Variants in DENND3 observed in about 807,000 individuals in gnomAD.
DENND3 encodes DENN domain-containing protein 3.
A neutral mutation model predicts 135.1 loss-of-function variants in DENND3; 88 were observed. That is an observed-to-expected ratio of 0.65 (90% CI 0.55 to 0.78). The LOEUF is 0.78. Ranked by LOEUF, DENND3 falls within the 30% of genes least tolerant of loss-of-function variation. The pLI is 0.00. For missense variants in DENND3, 1,392 were observed against 1,688.4 expected (o/e 0.82, Z 3.08); for synonymous variants, 693 against 712.3 (o/e 0.97, Z 0.43).
In DENND3 at chr8:141,168,490, G is replaced by C. The variant is rs1465555998; in HGVS notation, c.2240G>C (p.Ser747Thr). The change falls in exon 13 of 23, where the codon AGC (serine) becomes ACC (threonine). Residue 747 changes from serine to threonine, a missense_variant. Transcript: ENST00000519811. The surrounding 1 kb of genome is among the most constrained non-coding windows in gnomAD (Gnocchi z 6.2). ...VQESGIVKDA[S>T]IIHRLFEALT... ...GAGTCAGGGATCGTGAAGGACGCCA[G>C]CATCATACACCGGCTGTTCGAGGCC... The C allele has an allele frequency of 1.2e-6, 2 of 1,613,008 alleles. No homozygotes were observed.
In DENND3 at chr8:141,141,164, G is replaced by A; in HGVS notation, c.502-39G>A. The stretch of plus-strand genomic sequence containing the variant: ...TGGAAACAGATACTGGAATTGCCAA[G>A]GTGGGGAGGTGACCATGTCGCTGTT... On this transcript the variant is annotated intron_variant, in intron 3 of 22. Transcript: ENST00000519811. The surrounding 1 kb of genome is among the most constrained non-coding windows in gnomAD (Gnocchi z 5.3). 1 of 1,613,944 alleles carries A rather than the reference G, an allele frequency of 6.2e-7. No homozygotes were observed.
intron 18 of DENND3, 93 bp from the exon 19 acceptor site, chr8:141,188,893 C>A: frequency 6.8e-7 from 1 of 1,479,736 alleles, no homozygotes. Flanking sequence ...GGTTCCATAT[C>A]CGCTAATTCA....
intron 13 of DENND3, among the ~76,000 whole-genome samples, chr8:141,173,334 C>T (rs929829170): frequency 6.6e-6 from 1 of 152,158 alleles, no homozygotes; most frequent in African/African-American, 2.4e-5. Flanking sequence ...TAGAAAATAC[C>T]GACGGGCCAA....
chr8:141,189,922 G>A (rs536570953), intron 19 of DENND3, among the ~76,000 whole-genome samples: 46 of 152,296 alleles, frequency 3.0e-4, no homozygotes, highest in Admixed American at 2.5e-3. Context: ...AACGGGGACC[G>A]CTGACGAGGT....
chr8:141,130,861 A>G lies in DENND3; in HGVS notation c.102+2052A>G, dbSNP rs551655734. Among the ~76,000 whole-genome samples, 42 of 151,888 alleles carry G rather than the reference A, an allele frequency of 2.8e-4. No individual in the cohort carries two copies. The highest frequency in any genetic ancestry group is 5.1e-4 in the Non-Finnish European group (35 of 67,988). ...GCCACCATGCCCAGCTAATTTTTGT[A>G]TTTTTAGTAGAGACAGGGTTTCACC... On this transcript the variant is annotated intron_variant, in intron 1 of 22. Transcript: ENST00000519811. This position sits in a 1 kb window ranked among gnomAD's most constrained non-coding sequence, Gnocchi z 4.2.
Position 141,137,691 on chromosome 8 carries a change from G to C in DENND3, c.386-331G>C, listed in dbSNP as rs1403747795. On this transcript the variant is annotated intron_variant, in intron 2 of 22. Transcript: ENST00000519811. The surrounding 1 kb of genome is among the most constrained non-coding windows in gnomAD (Gnocchi z 4.1). ...GTAGGAAACTCAGACGAAGCACCTA[G>C]CATAAGCACCCACCTCAGAACTTGG... 1.3e-5 allele frequency among the ~76,000 whole-genome samples: 2 copies of C among 152,214 alleles called. No homozygotes were observed. The highest frequency in any genetic ancestry group is 2.4e-5 in the African/African-American group (1 of 41,450).
chr8:141,130,241 T>G lies in DENND3; in HGVS notation c.102+1432T>G, dbSNP rs928057833. Among the ~76,000 whole-genome samples the G allele has an allele frequency of 6.6e-6, 1 of 152,126 alleles. No individual in the cohort carries two copies. Among genetic ancestry groups the G allele is most frequent in the African/African-American group, 2.4e-5 (1 of 41,422 alleles). ...TTTTCAATTTCTTTATTATTATTATTATGTTAATAATAGAGAGGAGGTCTC... is the reference window on the plus strand; with the variant it reads ...TTTTCAATTTCTTTATTATTATTATGATGTTAATAATAGAGAGGAGGTCTC... On this transcript the variant is annotated intron_variant, in intron 1 of 22. Transcript: ENST00000519811. This position sits in a 1 kb window ranked among gnomAD's most constrained non-coding sequence, Gnocchi z 4.2.
intron 20 of DENND3, chr8:141,190,653 T>TTTTTAATGATACG: frequency 3.8e-6 from 2 of 531,086 alleles, no homozygotes; most frequent in Admixed American, 4.0e-5. Context: ...ATGCCTGTCT[T>TTTTTAATGATACG]GCCTGGACGC....
In DENND3 at chr8:141,139,120, A is replaced by T. The variant is rs1390225302; in HGVS notation, c.501+983A>T. ...AGAGGGTTTCCCGAAGCAAAAAGCG[A>T]GCCGGAGCCTTAATTTAGGTGCCCT... On this transcript the variant is annotated intron_variant, in intron 3 of 22. Transcript: ENST00000519811. The surrounding 1 kb of genome is among the most constrained non-coding windows in gnomAD (Gnocchi z 4.2). Among the ~76,000 whole-genome samples the T allele has an allele frequency of 6.6e-6, 1 of 152,104 alleles. No homozygotes were observed. Among genetic ancestry groups the T allele is most frequent in the Non-Finnish European group, 1.5e-5 (1 of 68,014 alleles).
chr8:141,164,947 T>C (rs1351792345), intron 10 of DENND3, among the ~76,000 whole-genome samples: 1 of 152,252 alleles, frequency 6.6e-6, no homozygotes, highest in Non-Finnish European at 1.5e-5. Context: ...GTAGCTATGA[T>C]GAAATACTCT....
intron 1 of DENND3, among the ~76,000 whole-genome samples, chr8:141,135,552 C>G (rs2154612685): frequency 6.6e-6 from 1 of 152,306 alleles, no homozygotes; most frequent in Middle Eastern, 3.4e-3. Flanking sequence ...TTGCTTCAAG[C>G]TTTGCTGTTT....
rs1820876429 is a variant in DENND3, at chr8:141,166,879, T to C, written c.1753+490T>C. ...TGTGGTTGGGACATTTCCACAGAGA[T>C]GGGACTGCATGGAGAGGCCAAGCCC... On this transcript the variant is annotated intron_variant, in intron 12 of 22. Transcript: ENST00000519811. The surrounding 1 kb of genome is among the most constrained non-coding windows in gnomAD (Gnocchi z 4.3). 6.6e-6 allele frequency among the ~76,000 whole-genome samples: 1 copy of C among 152,092 alleles called. No homozygotes were observed. The highest frequency in any genetic ancestry group is 2.1e-4 in the South Asian group (1 of 4,816).
At chr8:141,164,506 T>C (rs1820523119) in intron 10 of DENND3, among the ~76,000 whole-genome samples, 1 of 152,204 alleles carries the variant, frequency 6.6e-6, no homozygotes, top group South Asian at 2.1e-4. Flanking sequence ...GTCTCCTGAA[T>C]GGCTGAGGGG....
intron 20 of DENND3, chr8:141,192,104 C>A: frequency 2.1e-6 from 1 of 481,668 alleles, no homozygotes; most frequent in South Asian, 3.7e-5. Flanking sequence ...AAGAAACTGC[C>A]CATATATTTA....
At chr8:141,187,913 G>A (rs1208576393) in intron 18 of DENND3, among the ~76,000 whole-genome samples, 2 of 152,100 alleles carry the variant, frequency 1.3e-5, no homozygotes, top group Non-Finnish European at 2.9e-5. Flanking sequence ...AAGGCTGGGC[G>A]CAGTGGCTCA....
In DENND3 at chr8:141,194,333, G is replaced by C. The variant is rs1825135039; in HGVS notation, c.*100G>C. On this transcript the variant is annotated 3_prime_UTR_variant, in exon 23 of 23. Transcript: ENST00000519811. ...AGAAGCCTGGAGGGGTGGCAGGGCA[G>C]AGCAGCCCAGGCTCAGCATGGAGCC... is the stretch of plus-strand genomic sequence containing the variant. The C allele has an allele frequency of 7.1e-7, 1 of 1,401,484 alleles. No individual in the cohort carries two copies. The highest frequency in any genetic ancestry group is 9.7e-7 in the Non-Finnish European group (1 of 1,027,366). 86.8% of individuals were successfully genotyped at this position (1,401,484 alleles called of 1,614,324 possible).
In DENND3 at chr8:141,137,896, G is replaced by A; in HGVS notation, c.386-126G>A. 1.1e-6 allele frequency: 1 copy of A among 883,724 alleles called. No individual in the cohort carries two copies. The highest frequency in any genetic ancestry group is 1.8e-5 in the South Asian group (1 of 56,424). 54.7% of individuals were successfully genotyped at this position (883,724 alleles called of 1,614,324 possible). On this transcript the variant is annotated intron_variant, in intron 2 of 22. Transcript: ENST00000519811. The surrounding 1 kb of genome is among the most constrained non-coding windows in gnomAD (Gnocchi z 4.1). The stretch of plus-strand genomic sequence containing the variant: ...GTGATCGGAAGAATGAACCCGCCTT[G>A]GACATGAAGGCACCACCACTGCTAA...
intron 19 of DENND3, among the ~76,000 whole-genome samples, chr8:141,189,369 A>C (rs1028023808): frequency 2.6e-5 from 4 of 152,192 alleles, no homozygotes; most frequent in Admixed American, 6.5e-5. Flanking sequence ...TGATGAAGGC[A>C]CCACACCCGG....
chr8:141,157,368 C>G (rs898602980), intron 8 of DENND3: 2 of 985,380 alleles, frequency 2.0e-6, no homozygotes, highest in Non-Finnish European at 2.4e-6. Context: ...CGGGGTTGCT[C>G]TGCGGAGCTC....
Sources: allele counts gnomAD v4.1 joint callset (sites outside exome capture counted in the v4.1 genomes callset), GRCh38; gene constraint gnomAD v4.1.1; non-coding constraint Gnocchi (gnomAD v3.1); transcripts MANE v1.5; gene names NCBI Gene and HGNC (gene_info 2026-07-23, HGNC 2026-07-21).